The following PRR16 variants were observed in gnomAD, a reference collection of about 807,000 sequenced individuals.
PRR16 encodes the protein protein Largen.
Under a neutral mutation model 18.2 loss-of-function variants are expected in PRR16, and 6 were observed. That is an observed-to-expected ratio of 0.33 (90% CI 0.18 to 0.65). The LOEUF (loss-of-function observed/expected upper bound fraction) is 0.65, where lower values mean the gene tolerates loss of function less well. PRR16 is among the 30% of genes least tolerant of loss of function. PRR16 has a pLI of 0.74. For synonymous variants in PRR16, 151 were observed against 147.8 expected (o/e 1.02, Z -0.16); for missense variants, 412 against 376.6 (o/e 1.09, Z -0.78).
the PRR16 span, among the ~76,000 whole-genome samples, chr5:120,793,208 C>T: frequency 1.3e-5 from 2 of 152,082 alleles, no homozygotes; most frequent in Non-Finnish European, 2.9e-5. Context: ...TATGGTATAA[C>T]CTTGTGGGAC....
chr5:120,715,138 C>T, the PRR16 span, among the ~76,000 whole-genome samples: 1 of 151,932 alleles, frequency 6.6e-6, no homozygotes, highest in South Asian at 2.1e-4. Context: ...TAGCCAAGGT[C>T]ATCTAGATTT....
At chr5:120,778,160 C>G in the PRR16 span, among the ~76,000 whole-genome samples, 1 of 151,894 alleles carries the variant, frequency 6.6e-6, no homozygotes, top group Non-Finnish European at 1.5e-5. Context: ...AGTTATTTGT[C>G]TAATTTACAA....
the PRR16 span, among the ~76,000 whole-genome samples, chr5:120,777,706 A>G: frequency 6.6e-6 from 1 of 152,124 alleles, no homozygotes; most frequent in Non-Finnish European, 1.5e-5. Context: ...ATTTCATTAT[A>G]CATACCACAG....
chr5:120,565,914 T>A (rs980691859), intron 1 of PRR16, among the ~76,000 whole-genome samples: 8 of 152,234 alleles, frequency 5.3e-5, no homozygotes, highest in Non-Finnish European at 1.0e-4. Context: ...ATTTTTCCCC[T>A]GAATTTTGAT....
At chr5:120,482,664 T>G (rs2112812560) in intron 1 of PRR16, among the ~76,000 whole-genome samples, 1 of 152,248 alleles carries the variant, frequency 6.6e-6, no homozygotes, top group African/African-American at 2.4e-5. Context: ...GATTGCTGGG[T>G]TTAATGGTAT....
At position 120,476,323 on chromosome 5, in the gene PRR16, C is replaced by T. The variant is rs141394911; in HGVS notation, c.159+11678C>T. On this transcript the variant is annotated intron_variant, in intron 1 of 1. Transcript: ENST00000407149. ...CTTCAGTGAGTAACACAGAGACCAT[C>T]CCAGGCAATCTTGATATTATCACAA... Among the ~76,000 whole-genome samples the T allele has an allele frequency of 3.0e-3, 452 of 152,222 alleles. 5 individuals are homozygous for T. Among genetic ancestry groups the T allele is most frequent in the African/African-American group, 0.011 (437 of 41,532 alleles).
At chr5:120,556,393 A>C (rs944973388) in intron 1 of PRR16, among the ~76,000 whole-genome samples, 2 of 151,664 alleles carry the variant, frequency 1.3e-5, no homozygotes, top group Non-Finnish European at 2.9e-5. Context: ...GCCCATGTCG[A>C]CTTTTACGTT....
At chr5:120,564,722 C>T (rs1232589795) in intron 1 of PRR16, among the ~76,000 whole-genome samples, 3 of 152,110 alleles carry the variant, frequency 2.0e-5, no homozygotes, top group Non-Finnish European at 4.4e-5. Context: ...CATGGTGGCT[C>T]ACGCCTGTAA....
At chr5:120,697,121 T>C in the PRR16 span, among the ~76,000 whole-genome samples, 1 of 152,244 alleles carries the variant, frequency 6.6e-6, no homozygotes, top group East Asian at 1.9e-4. Flanking sequence ...TGAGTGACTT[T>C]ATTTGGAGAA....
At chr5:120,746,630 A>G in the PRR16 span, among the ~76,000 whole-genome samples, 1 of 152,140 alleles carries the variant, frequency 6.6e-6, no homozygotes. Context: ...AGTTTTAAAA[A>G]CAATAGCTGC....
intron 1 of PRR16, among the ~76,000 whole-genome samples, chr5:120,636,822 A>AAAT (rs1174086473): frequency 5.9e-5 from 9 of 152,126 alleles, no homozygotes; most frequent in Non-Finnish European, 1.3e-4. Flanking sequence ...CAGCAAAAAT[A>AAAT]AATAATAATA....
At chr5:120,765,999 C>A in the PRR16 span, among the ~76,000 whole-genome samples, 1 of 151,788 alleles carries the variant, frequency 6.6e-6, no homozygotes, top group Admixed American at 6.6e-5. Flanking sequence ...TTTATCCATT[C>A]CAGTGTTTAT....
intron 1 of PRR16, among the ~76,000 whole-genome samples, chr5:120,637,784 G>T (rs1755289067): frequency 6.6e-6 from 1 of 152,134 alleles, no homozygotes; most frequent in African/African-American, 2.4e-5. Flanking sequence ...GCAGTGAGCT[G>T]CATTCATGCC....
chr5:120,482,426 C>T (rs559763497), intron 1 of PRR16, among the ~76,000 whole-genome samples: 17 of 152,176 alleles, frequency 1.1e-4, no homozygotes, highest in East Asian at 3.9e-4. Context: ...TTATGGCCTC[C>T]GGCTGCATCC....
At chr5:120,717,156 T>G in the PRR16 span, among the ~76,000 whole-genome samples, 6 of 152,192 alleles carry the variant, frequency 3.9e-5, no homozygotes, top group African/African-American at 1.4e-4. Context: ...TCTACACTAA[T>G]AATTTGGAAT....
At chr5:120,764,426 AT>A in the PRR16 span, among the ~76,000 whole-genome samples, 38 of 150,720 alleles carry the variant, frequency 2.5e-4, no homozygotes, top group South Asian at 2.1e-4. Flanking sequence ...TCATTATTTA[AT>A]TTTTTTTTAA....
At chr5:120,594,970 A>G (rs980488511) in intron 1 of PRR16, among the ~76,000 whole-genome samples, 10 of 152,112 alleles carry the variant, frequency 6.6e-5, no homozygotes, top group African/African-American at 2.4e-4. Flanking sequence ...AATGGGATGA[A>G]GACTTAAATG....
At chr5:120,505,868 G>A (rs562745862) in intron 1 of PRR16, among the ~76,000 whole-genome samples, 49 of 150,966 alleles carry the variant, frequency 3.2e-4, no homozygotes, top group South Asian at 1.3e-3. Context: ...ATACACACAC[G>A]CGTATACATA....
intron 1 of PRR16, among the ~76,000 whole-genome samples, chr5:120,557,063 G>A (rs1029510882): frequency 1.3e-5 from 2 of 151,852 alleles, no homozygotes; most frequent in African/African-American, 4.8e-5. Context: ...GACCCTGGGT[G>A]TTTAATGAAG....
Sources: gnomAD v4.1 joint callset for allele counts (sites outside exome capture counted in the v4.1 genomes callset) on GRCh38, gnomAD v4.1.1 for gene constraint, MANE v1.5 for transcripts, NCBI Gene and HGNC (gene_info 2026-07-23, HGNC 2026-07-21) for gene names.